LRRC7: variants seen among roughly 807,000 people sequenced by gnomAD.
LRRC7 encodes the protein leucine-rich repeat-containing protein 7.
LRRC7 carries 23 observed loss-of-function variants against 175.7 expected under a neutral mutation model. That is an observed-to-expected ratio of 0.13 (90% CI 0.09 to 0.19). The LOEUF (loss-of-function observed/expected upper bound fraction) is 0.19, where lower values mean the gene tolerates loss of function less well. LRRC7 is among the 10% of genes least tolerant of loss of function. The probability of loss-of-function intolerance (pLI) is 1.00; values close to 1 mark genes in which losing one functional copy is unlikely to be tolerated. For missense variants in LRRC7, 1,354 were observed against 1,904.7 expected (o/e 0.71, Z 5.38); for synonymous variants, 685 against 680.9 (o/e 1.01, Z -0.09).
Position 70,011,839 on chromosome 1 carries a change from G to A in LRRC7, c.1047G>A (p.Leu349=). 6.4e-7 allele frequency: 1 copy of A among 1,573,024 alleles called. No individual in the cohort carries two copies. The highest frequency in any genetic ancestry group is 8.7e-7 in the Non-Finnish European group (1 of 1,143,338). ...AATTTGACTGTAGCTGTAATGAACT[G>A]GAGTCACTACCTTCTACTATTGGCT... ...LEEFDCSCNE[L]ESLPSTIGYL... is the part of the protein sequence containing the mutation. Residue 349 remains leucine, a synonymous_variant, in exon 12 of 27, where the codon CTG becomes CTA. Transcript: ENST00000651989.
At chr1:69,896,638 T>C (rs149834504) in intron 7 of LRRC7, among the ~76,000 whole-genome samples, 113 of 152,324 alleles carry the variant, frequency 7.4e-4, no homozygotes, top group African/African-American at 2.5e-3. Context: ...CTTATTACTA[T>C]TCCACTCATA....
At chr1:69,911,594 G>T (rs1646532996) in intron 7 of LRRC7, among the ~76,000 whole-genome samples, 1 of 152,160 alleles carries the variant, frequency 6.6e-6, no homozygotes, top group South Asian at 2.1e-4. Flanking sequence ...ATCTCCTCCA[G>T]CAGAGTCCTC....
chr1:69,633,512 T>C (rs901631269), intron 1 of LRRC7, among the ~76,000 whole-genome samples: 45 of 152,240 alleles, frequency 3.0e-4, no homozygotes, highest in Admixed American at 2.7e-3. Flanking sequence ...CACTGCAACC[T>C]CTGCCTCCCA....
intron 7 of LRRC7, among the ~76,000 whole-genome samples, chr1:69,864,372 T>C (rs1300718597): frequency 6.6e-6 from 1 of 152,146 alleles, no homozygotes; most frequent in Non-Finnish European, 1.5e-5. Flanking sequence ...TGGAGGAATT[T>C]GCTTGATAAA....
rs148802010 is a variant in LRRC7, at chr1:70,092,595, A to C, written c.4545+2776A>C. On this transcript the variant is annotated intron_variant, in intron 25 of 26. Coordinates refer to ENST00000651989, the MANE Select transcript of LRRC7 (RefSeq NM_001370785.2). ...TGTTGATGGAAACTAGTTTCAGGGA[A>C]ATGACAAGGACCAATGTGAGATAGC... Among the ~76,000 whole-genome samples the C allele has an allele frequency of 3.9e-5, 6 of 152,226 alleles. No homozygotes were observed. The East Asian group carries it at 1.2e-3, about 29-fold the overall frequency.
At chr1:70,111,610 A>G (rs17131210) in intron 26 of LRRC7, among the ~76,000 whole-genome samples, 2,875 of 152,302 alleles carry the variant, frequency 0.019, 61 homozygotes, top group African/African-American at 0.047. Context: ...ATTCAGTCTA[A>G]TTCATTATAC....
chr1:70,097,709 G>T (rs1296054384), intron 25 of LRRC7, among the ~76,000 whole-genome samples: 1 of 150,992 alleles, frequency 6.6e-6, no homozygotes, highest in East Asian at 2.0e-4. Context: ...AGAATATGCG[G>T]TGTTTGGTTT....
At chr1:69,876,000 G>A (rs17497682) in intron 7 of LRRC7, among the ~76,000 whole-genome samples, 394 of 152,184 alleles carry the variant, frequency 2.6e-3, no homozygotes, top group Non-Finnish European at 4.6e-3. Flanking sequence ...CTACTCTCAG[G>A]AACGTGGGGC....
At chr1:70,121,468 A>G (rs1389271056) in intron 26 of LRRC7, among the ~76,000 whole-genome samples, 1 of 152,166 alleles carries the variant, frequency 6.6e-6, no homozygotes, top group African/African-American at 2.4e-5. Flanking sequence ...AGCCCCTGCA[A>G]AAACAAATCA....
At chr1:69,594,120 A>C (rs1031153021) in intron 1 of LRRC7, among the ~76,000 whole-genome samples, 14 of 152,144 alleles carry the variant, frequency 9.2e-5, no homozygotes, top group African/African-American at 3.4e-4. Context: ...TAAAATATTA[A>C]TTTTTACTGT....
chr1:69,627,759 CATGAGT>C (rs1651832882), intron 1 of LRRC7, among the ~76,000 whole-genome samples: 1 of 152,004 alleles, frequency 6.6e-6, no homozygotes, highest in Admixed American at 6.6e-5. Context: ...CGGAGAATAT[CATGAGT>C]ATATTATTCT....
At position 69,923,098 on chromosome 1, in the gene LRRC7, G is replaced by T. The variant is rs376032277; in HGVS notation, c.648-8409G>T. Among the ~76,000 whole-genome samples, 10 of 152,120 alleles carry T rather than the reference G, an allele frequency of 6.6e-5. No homozygotes were observed. In the East Asian group the frequency reaches 7.8e-4, roughly 12 times the overall value. Reference sequence around the variant, plus strand: ...TTTTTTGTCCTTGCGATAGTTTATTGAGAATGATGATTTCCAATTTCATCC... The same window carrying T: ...TTTTTTGTCCTTGCGATAGTTTATTTAGAATGATGATTTCCAATTTCATCC... On this transcript the variant is annotated intron_variant, in intron 7 of 26. Coordinates refer to ENST00000651989, the MANE Select transcript of LRRC7 (RefSeq NM_001370785.2).
chr1:69,677,304 CTT>C (rs1659908531), intron 1 of LRRC7, among the ~76,000 whole-genome samples: 1 of 119,552 alleles, frequency 8.4e-6, no homozygotes, highest in South Asian at 3.4e-4. Flanking sequence ...CCCACATTTT[CTT>C]TATCCACTTA....
At chr1:69,760,523 CT>C in intron 3 of LRRC7, 130 bp downstream of exon 3, 1 of 743,188 alleles carries the variant, frequency 1.3e-6, no homozygotes, top group Non-Finnish European at 2.2e-6. Flanking sequence ...ATTGATATAA[CT>C]TCCCCCAATA....
Position 69,792,144 on chromosome 1 carries a change from C to T in LRRC7, c.405C>T (p.Leu135=), listed in dbSNP as rs760688435. 1.1e-5 allele frequency: 17 copies of T among 1,584,376 alleles called. No individual in the cohort carries two copies. The highest frequency in any genetic ancestry group is 1.0e-4 in the Admixed American group (6 of 58,114). ...TIASLVNLKE[L]DISKNGVQEF... The stretch of plus-strand genomic sequence containing the variant: ...CTAGTTTAGTTAATCTTAAAGAACT[C>T]GACATCAGTAAAAATGGTAAGATTT... The change falls in exon 4 of 27, where the codon CTC becomes CTT. Residue 135 remains leucine (L), a synonymous_variant. Transcript: ENST00000651989.
At chr1:69,756,971 T>C (rs900761609) in intron 2 of LRRC7, among the ~76,000 whole-genome samples, 16 of 151,810 alleles carry the variant, frequency 1.1e-4, no homozygotes. Flanking sequence ...TGTTTAGAAA[T>C]TCAGGGGGAA....
intron 24 of LRRC7, among the ~76,000 whole-genome samples, chr1:70,081,191 G>A (rs1663185084): frequency 6.6e-6 from 1 of 152,158 alleles, no homozygotes; most frequent in Non-Finnish European, 1.5e-5. Context: ...ATGTTCTATA[G>A]CTCAACAATT....
At chr1:69,845,369 A>G (rs1047880154) in intron 7 of LRRC7, among the ~76,000 whole-genome samples, 1 of 152,146 alleles carries the variant, frequency 6.6e-6, no homozygotes, top group African/African-American at 2.4e-5. Context: ...ATGGCAATAA[A>G]TGCTACATAT....
chr1:69,907,362 G>C (rs1047869259), intron 7 of LRRC7, among the ~76,000 whole-genome samples: 7 of 152,154 alleles, frequency 4.6e-5, no homozygotes, highest in African/African-American at 1.7e-4. Context: ...AATGCTTCCA[G>C]TTTTTGCCCA....
Sources: gnomAD v4.1 joint callset for allele counts (sites outside exome capture counted in the v4.1 genomes callset) on GRCh38, gnomAD v4.1.1 for gene constraint, MANE v1.5 for transcripts, NCBI Gene and HGNC (gene_info 2026-07-23, HGNC 2026-07-21) for gene names.